The following TPH1 variants were observed in gnomAD, a reference collection of about 807,000 sequenced individuals.
The protein encoded by TPH1 is tryptophan hydroxylase 1.
In TPH1, 37 loss-of-function variants were observed where a neutral mutation model predicts 49.5. The ratio of observed to expected loss-of-function variants is 0.75; its 90% CI spans 0.58 to 0.98. The LOEUF is 0.98. TPH1 is among the 50% of genes least tolerant of loss of function. The pLI, the probability that TPH1 is intolerant of heterozygous loss-of-function variation, is 0.00. For synonymous variants in TPH1, 160 were observed against 182.1 expected, an observed-to-expected ratio of 0.88 and a Z score of 0.98; for missense variants, 487 against 523.6, an observed-to-expected ratio of 0.93 and a Z score of 0.68.
chr11:18,026,393 CAAAA>C (rs57335932), intron 7 of TPH1, 93 bp downstream of exon 7: 8,865 of 568,892 alleles, frequency 0.016, no homozygotes, highest in East Asian at 0.026. Context: ...CCTCGCACAC[CAAAA>C]AAAAAAAAAA....
chr11:18,035,677 C>T (rs575779285), intron 3 of TPH1, among the ~76,000 whole-genome samples: 3 of 152,246 alleles, frequency 2.0e-5, no homozygotes, highest in Admixed American at 6.5e-5. Flanking sequence ...GAGTCTGCCT[C>T]GGCTTGCCAA....
chr11:18,024,930 C>T (rs1055995706), intron 8 of TPH1, among the ~76,000 whole-genome samples: 6 of 152,202 alleles, frequency 3.9e-5, no homozygotes, highest in Non-Finnish European at 8.8e-5. Flanking sequence ...CTGAGCACAT[C>T]ACTCATTTTC....
intron 3 of TPH1, among the ~76,000 whole-genome samples, chr11:18,034,743 CTATT>C (rs758777411): frequency 1.1e-4 from 17 of 152,104 alleles, no homozygotes; most frequent in Non-Finnish European, 2.2e-4. Context: ...CCTAAATTAT[CTATT>C]TGTCTTTTGC....
At chr11:18,029,109 T>G in intron 6 of TPH1, 56 bp downstream of exon 6, 13 of 974,886 alleles carry the variant, frequency 1.3e-5, no homozygotes, top group Non-Finnish European at 1.9e-5. Flanking sequence ...AAAAATGCTG[T>G]CATGATCAAA....
Position 18,019,904 on chromosome 11 carries a change from A to T in TPH1, c.*1087T>A. 2.9e-6 allele frequency: 1 copy of T among 350,408 alleles called. No individual in the cohort carries two copies. Among genetic ancestry groups the T allele is most frequent in the Admixed American group, 3.8e-5 (1 of 26,264 alleles). The allele number at this position is 350,408 out of a possible 1,614,324, so 21.7% of individuals were successfully genotyped here. A position where few individuals can be genotyped will look rare whatever the true frequency, so the allele number is the denominator to read the frequency against. On this transcript the variant is annotated 3_prime_UTR_variant, in exon 11 of 11. Coordinates refer to ENST00000682019, the MANE Select transcript of TPH1 (RefSeq NM_004179.3). ...TTACTTACAGTCTCAGTCCTAAACC[A>T]CTCTTCTTGACCTTTCTGACATTCT...
chr11:18,033,204 G>C lies in TPH1; in HGVS notation c.402+70C>G, dbSNP rs1262638910. 3 of 1,193,620 alleles carry C rather than the reference G, an allele frequency of 2.5e-6. No individual in the cohort carries two copies. The African/African-American group carries it at 4.5e-5, about 18-fold the overall frequency. The allele number at this position is 1,193,620 out of a possible 1,614,324, so 73.9% of individuals were successfully genotyped here. On this transcript the variant is annotated intron_variant, in intron 4 of 10. Transcript: ENST00000682019. ...AGAAGCAGAGGTTGCAGTAAGCCGA[G>C]ATCGTGCCACTGCACTCCAGTCTGG...
intron 2 of TPH1, among the ~76,000 whole-genome samples, chr11:18,038,050 G>C (rs545639644): frequency 1.3e-5 from 2 of 152,054 alleles, no homozygotes; most frequent in Non-Finnish European, 2.9e-5. Flanking sequence ...GCCAAAAACC[G>C]GGACACAAAT....
intron 4 of TPH1, among the ~76,000 whole-genome samples, chr11:18,030,413 C>A (rs1847975848): frequency 6.7e-6 from 1 of 148,188 alleles, no homozygotes; most frequent in African/African-American, 2.5e-5. Context: ...TAGAGGGAGA[C>A]TCTATCTTGA....
At chr11:18,041,025 C>A in intron 1 of TPH1, 1 of 347,668 alleles carries the variant, frequency 2.9e-6, no homozygotes, top group Non-Finnish European at 5.4e-6. Context: ...TTTTTCTAAA[C>A]CAATCGCTCT....
At position 18,017,805 on chromosome 11, in the gene TPH1, C is replaced by T. The variant is rs573224178; in HGVS notation, c.*3186G>A. The T allele has an allele frequency of 5.9e-5, 9 of 152,110 alleles. No homozygotes were observed. The highest frequency in any genetic ancestry group is 1.3e-4 in the Non-Finnish European group (9 of 68,022). The allele number at this position is 152,110 out of a possible 1,614,324, so 9.4% of individuals were successfully genotyped here. On this transcript the variant is annotated 3_prime_UTR_variant, in exon 11 of 11. Transcript: ENST00000682019. ...TTTACATTTTGGTGTGTCATTACTACTTGTATAACTCCAAATGACAGAATA... is the reference window on the plus strand; with the variant it reads ...TTTACATTTTGGTGTGTCATTACTATTTGTATAACTCCAAATGACAGAATA...
At chr11:18,035,901 G>C in intron 3 of TPH1, 58 bp downstream of exon 3, 1 of 1,370,012 alleles carries the variant, frequency 7.3e-7, no homozygotes, top group Non-Finnish European at 1.0e-6. Flanking sequence ...TAAATATAAG[G>C]CTGGACACAC....
rs778984963 is a variant in TPH1, at chr11:18,029,513, GTT to G, written c.467_468del (p.Lys156ThrfsTer9). 110 of 1,608,754 alleles carry G rather than the reference GTT, an allele frequency of 6.8e-5. No homozygotes were observed. The highest frequency in any genetic ancestry group is 8.8e-5 in the Non-Finnish European group (103 of 1,175,976). ...KYFADLAMNYKHGDPIPKVEF... is the reference protein window; with the variant it reads ...KYFADLAMNYXHGDPIPKVEF... Reference sequence around the variant, plus strand: ...CTATATTTTTTTAAATATACTTACTGTTTATAGTTCATAGCCAAGTCCGCAAA... The same window carrying G: ...CTATATTTTTTTAAATATACTTACTGTATAGTTCATAGCCAAGTCCGCAAA... On this transcript the variant is annotated frameshift_variant and splice_region_variant, in exon 5 of 11. Coordinates refer to ENST00000682019, the MANE Select transcript of TPH1 (RefSeq NM_004179.3). LOFTEE classifies it high-confidence loss of function.
chr11:18,022,232 A>G (rs1319464710), intron 10 of TPH1, among the ~76,000 whole-genome samples: 2 of 152,168 alleles, frequency 1.3e-5, no homozygotes, highest in African/African-American at 2.4e-5. Flanking sequence ...TCTGCCTCCA[A>G]TATCCTCCTT....
At chr11:18,037,187 T>C (rs905642745) in intron 2 of TPH1, among the ~76,000 whole-genome samples, 1 of 151,886 alleles carries the variant, frequency 6.6e-6, no homozygotes, top group Non-Finnish European at 1.5e-5. Context: ...AGCAAGACCC[T>C]GTCTCTACAA....
In TPH1 at chr11:18,018,349, A is replaced by C. The variant is rs1854318154; in HGVS notation, c.*2642T>G. On this transcript the variant is annotated 3_prime_UTR_variant, in exon 11 of 11. Coordinates refer to ENST00000682019, the MANE Select transcript of TPH1 (RefSeq NM_004179.3). ...ATATTACAAATACCCAGAGGTGAGA[A>C]GAACTGAAATCCATCATTAAAAATT... 6.6e-6 allele frequency: 1 copy of C among 151,964 alleles called. No individual in the cohort carries two copies. The highest frequency in any genetic ancestry group is 1.5e-5 in the Non-Finnish European group (1 of 67,994). 9.4% of individuals were successfully genotyped at this position (151,964 alleles called of 1,614,324 possible). A position where few individuals can be genotyped will look rare whatever the true frequency, so the allele number is the denominator to read the frequency against.
At chr11:18,022,971 A>G (rs780141178) in intron 9 of TPH1, 40 bp from the exon 10 acceptor site, 1 of 1,608,466 alleles carries the variant, frequency 6.2e-7, no homozygotes, top group Non-Finnish European at 8.5e-7. Flanking sequence ...AATAATATCT[A>G]TTTTTCATAG....
chr11:18,045,933 C>T (rs1400451208), intron 1 of TPH1, among the ~76,000 whole-genome samples: 1 of 152,218 alleles, frequency 6.6e-6, no homozygotes, highest in East Asian at 1.9e-4. Flanking sequence ...CTGGACCCCA[C>T]TTTCCTCATC....
chr11:18,025,464 TC>T, intron 8 of TPH1, 110 bp downstream of exon 8: 3 of 1,505,726 alleles, frequency 2.0e-6, no homozygotes, highest in Non-Finnish European at 1.8e-6. Context: ...CACTGCAACC[TC>T]CAAGCAAAGA....
chr11:18,038,503 C>T (rs913211023), intron 2 of TPH1, among the ~76,000 whole-genome samples: 1 of 152,148 alleles, frequency 6.6e-6, no homozygotes, highest in African/African-American at 2.4e-5. Flanking sequence ...CAAAGTAATT[C>T]AATGTACATA....
Sources: gnomAD v4.1 joint callset for allele counts (sites outside exome capture counted in the v4.1 genomes callset) on GRCh38, gnomAD v4.1.1 for gene constraint, MANE v1.5 for transcripts, NCBI Gene and HGNC (gene_info 2026-07-23, HGNC 2026-07-21) for gene names.